NEFM: variants seen among roughly 807,000 people sequenced by gnomAD.
NEFM encodes the protein neurofilament medium chain.
Under a neutral mutation model 48.1 loss-of-function variants are expected in NEFM, and 16 were observed. The observed-to-expected ratio is 0.33, with a 90% CI of 0.23 to 0.51. The LOEUF is 0.51. Among genes scored for constraint, NEFM ranks in the 20% least tolerant of loss-of-function variants. The pLI is 0.98. For missense variants in NEFM, 1,107 were observed against 1,136.0 expected, an observed-to-expected ratio of 0.97 and a Z score of 0.37; for synonymous variants, 465 against 456.9, an observed-to-expected ratio of 1.02 and a Z score of -0.23.
chr8:24,917,037 T>TA lies in NEFM; in HGVS notation c.1206-23dup, dbSNP rs778856714. ...GCCTAGTGAAATTTTTACTATGTCT[T>TA]ATGTTCTTGGATTTTCTCCTTAGAA... On this transcript the variant is annotated intron_variant, in intron 2 of 2. Transcript: ENST00000221166. 4 of 1,607,700 alleles carry TA rather than the reference T, an allele frequency of 2.5e-6. No homozygotes were observed. The South Asian group carries it at 4.4e-5, about 18-fold the overall frequency.
Position 24,917,130 on chromosome 8 carries a change from A to C in NEFM, c.1275A>C (p.Thr425=). ...FAGSITGPLY[T]HRPPITISSK... is the part of the protein sequence containing the mutation. Reference sequence around the variant, plus strand: ...GAAGCATCACTGGGCCACTGTATACACACCGACCCCCAATCACAATATCCA... The same window carrying C: ...GAAGCATCACTGGGCCACTGTATACCCACCGACCCCCAATCACAATATCCA... Residue 425 remains threonine (T), a synonymous_variant, in exon 3 of 3, where the codon ACA becomes ACC. Coordinates refer to ENST00000221166, the MANE Select transcript of NEFM (RefSeq NM_005382.2). 1 of 1,614,146 alleles carries C rather than the reference A, an allele frequency of 6.2e-7. No individual in the cohort carries two copies. The highest frequency in any genetic ancestry group is 8.5e-7 in the Non-Finnish European group (1 of 1,180,038).
Position 24,917,280 on chromosome 8 carries a change from C to T in NEFM, c.1425C>T (p.Ala475=), listed in dbSNP as rs113253008. The T allele has an allele frequency of 1.2e-6, 2 of 1,614,010 alleles. No homozygotes were observed. Among genetic ancestry groups the T allele is most frequent in the East Asian group, 2.2e-5 (1 of 44,860 alleles). ...CAGAAATGGAAGAGGCCCTGACAGC[C>T]ATTACAGAGGAATTGGCCGTTTCCA... is the stretch of plus-strand genomic sequence containing the variant. The part of the protein sequence containing the change: ...EKSEMEEALT[A]ITEELAVSMK... Residue 475 remains alanine (A), a synonymous_variant, in exon 3 of 3, where the codon GCC becomes GCT. Coordinates refer to ENST00000221166, the MANE Select transcript of NEFM (RefSeq NM_005382.2).
At chr8:24,915,849 T>C in intron 2 of NEFM, 120 bp downstream of exon 2, 1 of 1,270,170 alleles carries the variant, frequency 7.9e-7, no homozygotes. Flanking sequence ...AGCACCTGGT[T>C]ATCTTGCTTA....
Position 24,913,948 on chromosome 8 carries a change from A to C in NEFM, c.155A>C (p.Tyr52Ser). The change falls in exon 1 of 3, where the codon TAT becomes TCT. Residue 52 changes from tyrosine (Y) to serine (S), a missense_variant. Tyr to Ser is a moderately radical substitution (Grantham distance 144, BLOSUM62 -2). Coordinates refer to ENST00000221166, the MANE Select transcript of NEFM (RefSeq NM_005382.2). ...RGSPSTVSSS[Y>S]KRSMLAPRLA... ...TCGCCCAGCACCGTGTCCTCCTCCT[A>C]TAAGCGCAGCATGCTCGCCCCGCGC... is the stretch of plus-strand genomic sequence containing the variant. The C allele has an allele frequency of 1.9e-6, 3 of 1,611,680 alleles. No homozygotes were observed. In the East Asian group the frequency reaches 6.7e-5, roughly 36 times the overall value.
At chr8:24,914,957 C>T (rs1802550540) in intron 1 of NEFM, 84 bp downstream of exon 1, 19 of 1,444,660 alleles carry the variant, frequency 1.3e-5, no homozygotes, top group South Asian at 4.4e-5. Flanking sequence ...CAGGCGCCCT[C>T]TCCGCCGCGC....
chr8:24,914,899 CCTG>C (rs1159537169), intron 1 of NEFM, 26 bp downstream of exon 1: 3 of 1,560,552 alleles, frequency 1.9e-6, no homozygotes, highest in Non-Finnish European at 2.6e-6. Context: ...GCGCGGCCAG[CCTG>C]CGCCAGCGCC....
rs747768462 is a variant in NEFM, at chr8:24,914,484, G to A, written c.691G>A (p.Val231Met). The stretch of plus-strand genomic sequence containing the variant: ...GAAGGTGCAGTCGCTGCAGGATGAG[G>A]TGGCCTTCCTGCGGAGCAACCACGA... ...DKKVQSLQDE[V>M]AFLRSNHEEE... The change falls in exon 1 of 3, where the codon GTG (valine) becomes ATG (methionine). Residue 231 changes from valine to methionine, a missense_variant. Transcript: ENST00000221166. The A allele has an allele frequency of 1.2e-6, 2 of 1,613,930 alleles. No homozygotes were observed. The highest frequency in any genetic ancestry group is 1.3e-5 in the African/African-American group (1 of 74,946).
In NEFM at chr8:24,913,934, C is replaced by A. The variant is rs201628186; in HGVS notation, c.141C>A (p.Thr47=). Residue 47 remains threonine (T), a synonymous_variant, in exon 1 of 3, where the codon ACC becomes ACA. Transcript: ENST00000221166. ...SQSWSRGSPS[T]VSSSYKRSML... ...CGTGGTCCCGCGGCTCGCCCAGCAC[C>A]GTGTCCTCCTCCTATAAGCGCAGCA... 1.9e-6 allele frequency: 3 copies of A among 1,611,426 alleles called. No individual in the cohort carries two copies. The highest frequency in any genetic ancestry group is 1.7e-5 in the Admixed American group (1 of 59,960).
Position 24,917,829 on chromosome 8 carries a change from A to C in NEFM, c.1974A>C (p.Lys658Asn). 1 of 1,612,866 alleles carries C rather than the reference A, an allele frequency of 6.2e-7. No homozygotes were observed. Among genetic ancestry groups the C allele is most frequent in the East Asian group, 2.2e-5 (1 of 44,838 alleles). ...AGAAAGGCAAGTCTCCTGTGCCGAA[A>C]TCACCAGTGGAAGAGAAAGGCAAGT... is the stretch of plus-strand genomic sequence containing the variant. ...VEEKGKSPVP[K>N]SPVEEKGKSP... The change falls in exon 3 of 3, where the codon AAA becomes AAC. Residue 658 changes from lysine to asparagine, a missense_variant. By Grantham distance (94) the Lys-to-Asn change is moderately conservative (BLOSUM62 0). Around this residue, in one of 3 missense-constraint regions of NEFM, gnomAD observed 917 missense variants for 916.4 expected, o/e 1.00. Coordinates refer to ENST00000221166, the MANE Select transcript of NEFM (RefSeq NM_005382.2).
chr8:24,914,517 G>C lies in NEFM; in HGVS notation c.724G>C (p.Val242Leu). The change falls in exon 1 of 3, where the codon GTG (valine) becomes CTG (leucine). Residue 242 changes from valine (V) to leucine (L), a missense_variant. By Grantham distance (32) the Val-to-Leu change is conservative (BLOSUM62 1). This residue lies in a region of NEFM where 917 missense variants were observed against 916.4 expected (regional missense o/e 1.00). Coordinates refer to ENST00000221166, the MANE Select transcript of NEFM (RefSeq NM_005382.2). The part of the protein sequence containing the change: ...AFLRSNHEEE[V>L]ADLLAQIQAS... The stretch of plus-strand genomic sequence containing the variant: ...CCTGCGGAGCAACCACGAGGAGGAG[G>C]TGGCCGACCTTCTGGCCCAGATCCA... 6.2e-7 allele frequency: 1 copy of C among 1,614,130 alleles called. No homozygotes were observed. Among genetic ancestry groups the C allele is most frequent in the East Asian group, 2.2e-5 (1 of 44,842 alleles).
intron 1 of NEFM, chr8:24,915,220 T>G: frequency 1.6e-6 from 2 of 1,279,240 alleles, no homozygotes; most frequent in Non-Finnish European, 9.9e-7. Flanking sequence ...AACGCGTGTA[T>G]TCTCTACTTT....
chr8:24,914,713 A>C lies in NEFM; in HGVS notation c.920A>C (p.Lys307Thr). The C allele has an allele frequency of 1.2e-6, 2 of 1,614,036 alleles. No homozygotes were observed. The highest frequency in any genetic ancestry group is 1.7e-6 in the Non-Finnish European group (2 of 1,180,004). ...CTCACCGAGGCGGCCGAGCAGAACA[A>C]GGAGGCCATCCGCTCCGCCAAGGAA... The part of the protein sequence containing the change: ...AKLTEAAEQN[K>T]EAIRSAKEEI... Residue 307 changes from lysine (K) to threonine (T), a missense_variant, in exon 1 of 3, where the codon AAG becomes ACG. By Grantham distance (78) the Lys-to-Thr change is moderately conservative. This residue lies in a region of NEFM where 917 missense variants were observed against 916.4 expected (regional missense o/e 1.00). Transcript: ENST00000221166.
In NEFM at chr8:24,915,637, G is replaced by A. The variant is rs781549347; in HGVS notation, c.1113G>A (p.Arg371=). The change falls in exon 2 of 3, where the codon CGG becomes CGA. Residue 371 remains arginine (R), a synonymous_variant. Coordinates refer to ENST00000221166, the MANE Select transcript of NEFM (RefSeq NM_005382.2). ...DTIQQLENEL[R]GTKWEMARHL... Reference sequence around the variant, plus strand: ...TCCAGCAGCTGGAAAATGAGCTTCGGGGCACAAAGTGGGAAATGGCTCGTC... The same window carrying A: ...TCCAGCAGCTGGAAAATGAGCTTCGAGGCACAAAGTGGGAAATGGCTCGTC... 9.9e-6 allele frequency: 16 copies of A among 1,613,834 alleles called. No individual in the cohort carries two copies. Among genetic ancestry groups the A allele is most frequent in the Non-Finnish European group, 1.4e-5 (16 of 1,179,978 alleles).
In NEFM at chr8:24,918,767, T is replaced by C; in HGVS notation, c.*161T>C. 2 of 677,976 alleles carry C rather than the reference T, an allele frequency of 2.9e-6. No homozygotes were observed. The highest frequency in any genetic ancestry group is 5.3e-6 in the Non-Finnish European group (2 of 380,044). 42.0% of individuals were successfully genotyped at this position (677,976 alleles called of 1,614,324 possible). A position where few individuals can be genotyped will look rare whatever the true frequency, so the allele number is the denominator to read the frequency against. On this transcript the variant is annotated 3_prime_UTR_variant, in exon 3 of 3. Coordinates refer to ENST00000221166, the MANE Select transcript of NEFM (RefSeq NM_005382.2). ...CATGCAAGCTCAGGGTGCTCCCTCC[T>C]CAGTCTTTGGGGGATTCAAATGCAT... is the stretch of plus-strand genomic sequence containing the variant.
rs764491575 is a variant in NEFM at position 24,913,861 on chromosome 8, G to A, written c.68G>A (p.Ser23Asn). The change falls in exon 1 of 3, where the codon AGC (serine) becomes AAC (asparagine). Residue 23 changes from serine (S) to asparagine (N), a missense_variant. Physicochemically the swap from Ser to Asn is conservative, Grantham distance 46 (BLOSUM62 1). This residue lies in a region of NEFM where 186 missense variants were observed against 200.6 expected (regional missense o/e 0.93). Coordinates refer to ENST00000221166, the MANE Select transcript of NEFM (RefSeq NM_005382.2). Reference protein sequence around the residue: ...AYRRVTETRSSFSRVSGSPSS... With the variant: ...AYRRVTETRSNFSRVSGSPSS... ...CGGCGGGTAACCGAGACCCGCTCGA[G>A]CTTCAGCCGCGTCAGCGGCTCCCCG... 3.0e-5 allele frequency: 48 copies of A among 1,609,142 alleles called. No individual in the cohort carries two copies. Among genetic ancestry groups the A allele is most frequent in the Non-Finnish European group, 4.0e-5 (47 of 1,178,514 alleles).
In NEFM at chr8:24,915,724, G is replaced by C; in HGVS notation, c.1200G>C (p.Ala400=). 6 of 1,614,044 alleles carry C rather than the reference G, an allele frequency of 3.7e-6. No homozygotes were observed. Among genetic ancestry groups the C allele is most frequent in the Middle Eastern group, 1.7e-4 (1 of 6,058 alleles). The part of the protein sequence containing the change: ...VKMALDIEIA[A]YRKLLEGEET... The stretch of plus-strand genomic sequence containing the variant: ...TGGCTCTGGATATAGAAATCGCTGC[G>C]TACAGGTACGATGCTTACTACGTGC... Residue 400 remains alanine, a synonymous_variant, in exon 2 of 3, where the codon GCG becomes GCC. Coordinates refer to ENST00000221166, the MANE Select transcript of NEFM (RefSeq NM_005382.2).
rs1425036929 is a variant in NEFM, at chr8:24,914,734, A to G, written c.941A>G (p.Lys314Arg). The G allele has an allele frequency of 1.9e-6, 3 of 1,613,670 alleles. No individual in the cohort carries two copies. Among genetic ancestry groups the G allele is most frequent in the African/African-American group, 1.3e-5 (1 of 74,960 alleles). The part of the protein sequence containing the change: ...EQNKEAIRSA[K>R]EEIAEYRRQL... ...AACAAGGAGGCCATCCGCTCCGCCA[A>G]GGAAGAGATCGCCGAGTACCGGCGC... The change falls in exon 1 of 3, where the codon AAG becomes AGG. Residue 314 changes from lysine to arginine, a missense_variant. Physicochemically the swap from Lys to Arg is conservative, Grantham distance 26 (BLOSUM62 2). Around this residue, in one of 3 missense-constraint regions of NEFM, gnomAD observed 917 missense variants for 916.4 expected, o/e 1.00. Coordinates refer to ENST00000221166, the MANE Select transcript of NEFM (RefSeq NM_005382.2).
Position 24,915,412 on chromosome 8 carries a change from A to G in NEFM, c.1081-193A>G, listed in dbSNP as rs756146266. ...TGTCCTATTGTCTTACTGATCTTGT[A>G]TGTTCATTTGAGAATCGCTTAGATT... On this transcript the variant is annotated intron_variant, in intron 1 of 2. Transcript: ENST00000221166. 4.5e-4 allele frequency: 424 copies of G among 935,500 alleles called. 1 individual carries two copies. The highest frequency in any genetic ancestry group is 6.2e-4 in the Non-Finnish European group (401 of 647,736). The allele number at this position is 935,500 out of a possible 1,614,324, so 57.9% of individuals were successfully genotyped here. A position where few individuals can be genotyped will look rare whatever the true frequency, so the allele number is the denominator to read the frequency against.
In NEFM at chr8:24,918,489, C is replaced by T. The variant is rs151082365; in HGVS notation, c.2634C>T (p.Thr878=). Residue 878 remains threonine, a synonymous_variant, in exon 3 of 3, where the codon ACC becomes ACT. Coordinates refer to ENST00000221166, the MANE Select transcript of NEFM (RefSeq NM_005382.2). ...CCAAATACATCACTAAATCTGTAAC[C>T]GTCACTCAAAAGGTTGAAGAGCATG... ...GATKYITKSV[T]VTQKVEEHEE... is the part of the protein sequence containing the mutation. 9.3e-6 allele frequency: 15 copies of T among 1,613,954 alleles called. No homozygotes were observed. In the African/African-American group the frequency reaches 1.6e-4, roughly 17 times the overall value.
Sources: gnomAD v4.1 joint callset for allele counts on GRCh38, gnomAD v4.1.1 for gene constraint, gnomAD v4.1.1 regional missense constraint, MANE v1.5 for transcripts, NCBI Gene and HGNC (gene_info 2026-07-23, HGNC 2026-07-21) for gene names.